ZSCAN29: variants seen among roughly 807,000 people sequenced by gnomAD.
ZSCAN29 encodes the protein zinc finger and SCAN domain-containing protein 29.
In ZSCAN29, 55 loss-of-function variants were observed where a neutral mutation model predicts 71.9. The observed-to-expected ratio is 0.76, with a 90% CI of 0.62 to 0.96. The LOEUF (loss-of-function observed/expected upper bound fraction) is 0.96, where lower values mean the gene tolerates loss of function less well. Ranked by LOEUF, ZSCAN29 falls within the 40% of genes least tolerant of loss-of-function variation. The probability of loss-of-function intolerance (pLI) is 0.00; values close to 1 mark genes in which losing one functional copy is unlikely to be tolerated. For missense variants in ZSCAN29, 1,042 were observed against 1,042.2 expected (o/e 1.00, Z 0.00); for synonymous variants, 351 against 371.6 (o/e 0.94, Z 0.64).
intron 2 of ZSCAN29, 109 bp from the exon 3 acceptor site, chr15:43,369,236 G>T: frequency 8.5e-7 from 1 of 1,182,308 alleles, no homozygotes; most frequent in Non-Finnish European, 1.1e-6. Flanking sequence ...CATGGCCAGG[G>T]TTGTAGGGGT....
Position 43,364,317 on chromosome 15 carries a change from C to A in ZSCAN29, c.1288G>T (p.Glu430Ter). ...TTGCGGTGACAGTTCCGGAGGGCTT[C>A]ATAAAACTGGGTCTCACTAAGAATT... Reference protein sequence around the residue: ...LAILSETQFYEALRNCHRNSQ... With the variant: ...LAILSETQFY Residue 430 changes from glutamate (E) to a stop codon, truncating the protein, a stop_gained, in exon 5 of 6, where the codon GAA (glutamate) becomes TAA (stop). Transcript: ENST00000684362. LOFTEE classifies it high-confidence loss of function. The A allele has an allele frequency of 6.2e-7, 1 of 1,614,158 alleles. No homozygotes were observed.
At position 43,358,225 on chromosome 15, in the gene ZSCAN29, T is replaced by C. The variant is rs2043951081; in HGVS notation, c.*2848A>G. The C allele has an allele frequency of 6.6e-6, 1 of 152,650 alleles. No homozygotes were observed. Among genetic ancestry groups the C allele is most frequent in the South Asian group, 2.1e-4 (1 of 4,832 alleles). The allele number at this position is 152,650 out of a possible 1,614,324, so 9.5% of individuals were successfully genotyped here. On this transcript the variant is annotated 3_prime_UTR_variant, in exon 6 of 6. Coordinates refer to ENST00000684362, the MANE Select transcript of ZSCAN29 (RefSeq NM_001372080.1). ...TGGTATCCCTGAGAGACAGATTAGG[T>C]GTAAACATTATTTTGCTTTACAGAA...
Position 43,360,907 on chromosome 15 carries a change from G to T in ZSCAN29, c.*166C>A. The stretch of plus-strand genomic sequence containing the variant: ...TCCTTTCATTCTTTAGACTGCCTTG[G>T]GGATTTGAGTCTAGATCAGGAAAAA... On this transcript the variant is annotated 3_prime_UTR_variant, in exon 6 of 6. Transcript: ENST00000684362. 1.1e-6 allele frequency: 1 copy of T among 910,444 alleles called. No individual in the cohort carries two copies. Among genetic ancestry groups the T allele is most frequent in the Non-Finnish European group, 1.7e-6 (1 of 603,806 alleles). The allele number at this position is 910,444 out of a possible 1,614,324, so 56.4% of individuals were successfully genotyped here.
At position 43,363,953 on chromosome 15, in the gene ZSCAN29, A is replaced by G; in HGVS notation, c.1652T>C (p.Val551Ala). Reference sequence around the variant, plus strand: ...GAATAACACTGGAGCACGGGTTATGACAGCCCCTGGGGGTATCTCAGTATC... The same window carrying G: ...GAATAACACTGGAGCACGGGTTATGGCAGCCCCTGGGGGTATCTCAGTATC... ...EEDTEIPPGA[V>A]ITRAPVLFQS... is the part of the protein sequence containing the mutation. The change falls in exon 5 of 6, where the codon GTC becomes GCC. Residue 551 changes from valine to alanine, a missense_variant. Physicochemically the swap from Val to Ala is moderately conservative, Grantham distance 64 (BLOSUM62 0). Coordinates refer to ENST00000684362, the MANE Select transcript of ZSCAN29 (RefSeq NM_001372080.1). 1.2e-6 allele frequency: 2 copies of G among 1,612,814 alleles called. No individual in the cohort carries two copies. The highest frequency in any genetic ancestry group is 1.7e-6 in the Non-Finnish European group (2 of 1,179,008).
chr15:43,366,034 A>G, intron 4 of ZSCAN29, 76 bp downstream of exon 4: 1 of 1,446,476 alleles, frequency 6.9e-7, no homozygotes, highest in South Asian at 1.4e-5. Flanking sequence ...ATGTGACATT[A>G]AGCCTTCTGA....
chr15:43,362,834 T>C (rs2043995503), intron 5 of ZSCAN29, among the ~76,000 whole-genome samples: 1 of 152,214 alleles, frequency 6.6e-6, no homozygotes. Flanking sequence ...GGAATTGATA[T>C]TCCAGGGAAC....
chr15:43,365,023 CAAG>C (rs899841071), intron 4 of ZSCAN29, among the ~76,000 whole-genome samples: 2 of 147,000 alleles, frequency 1.4e-5, no homozygotes, highest in East Asian at 2.0e-4. Context: ...ATGAAGAAAA[CAAG>C]AAAAATAAAG....
intron 3 of ZSCAN29, among the ~76,000 whole-genome samples, chr15:43,368,296 C>T (rs1286138145): frequency 9.4e-5 from 5 of 53,184 alleles, no homozygotes; most frequent in Admixed American, 1.6e-4. Context: ...GAGGCCGAGG[C>T]GGGCGGATCA....
rs893532976 is a variant in ZSCAN29, at chr15:43,370,744, T to G, written c.-299A>C. The G allele has an allele frequency of 6.5e-6, 1 of 152,766 alleles. No homozygotes were observed. The highest frequency in any genetic ancestry group is 1.5e-5 in the Non-Finnish European group (1 of 68,474). The allele number at this position is 152,766 out of a possible 1,614,324, so 9.5% of individuals were successfully genotyped here. A position where few individuals can be genotyped will look rare whatever the true frequency, so the allele number is the denominator to read the frequency against. On this transcript the variant is annotated 5_prime_UTR_variant, in exon 1 of 6. Transcript: ENST00000684362. ...TGCTGCCGGTTCGCGGACGCAGAGCTCTCAGCCCAAGGAGCAGCGGCTGCG... is the reference window on the plus strand; with the variant it reads ...TGCTGCCGGTTCGCGGACGCAGAGCGCTCAGCCCAAGGAGCAGCGGCTGCG...
chr15:43,361,161 C>A lies in ZSCAN29; in HGVS notation c.2471G>T (p.Gly824Val). 1 of 1,614,168 alleles carries A rather than the reference C, an allele frequency of 6.2e-7. No homozygotes were observed. The highest frequency in any genetic ancestry group is 8.5e-7 in the Non-Finnish European group (1 of 1,180,006). ...GEKPYGCHDCGKCFSKSSALN... is the reference protein window; with the variant it reads ...GEKPYGCHDCVKCFSKSSALN... ...GGCAGAGCTTTTACTGAAGCACTTA[C>A]CACAGTCATGACACCCATAGGGTTT... Residue 824 changes from glycine to valine, a missense_variant, in exon 6 of 6, where the codon GGT (glycine) becomes GTT (valine). By Grantham distance (109) the Gly-to-Val change is moderately radical. Transcript: ENST00000684362.
At chr15:43,364,537 G>A in intron 4 of ZSCAN29, 155 bp from the exon 5 acceptor site, 1 of 756,780 alleles carries the variant, frequency 1.3e-6, no homozygotes, top group Admixed American at 2.0e-5. Context: ...CACAAACTCA[G>A]TATAGAATGT....
chr15:43,366,344 G>A lies in ZSCAN29; in HGVS notation c.988C>T (p.Leu330=). The change falls in exon 4 of 6, where the codon CTG becomes TTG. Residue 330 remains leucine (L), a synonymous_variant. Transcript: ENST00000684362. ...TCPFFEEMEA[L]MSAQVIALPS... is the part of the protein sequence containing the mutation. ...AGGGCAATGACCTGAGCACTCATCAGGGCTTCCATCTCTTCAAAGAAGGGG... is the reference window on the plus strand; with the variant it reads ...AGGGCAATGACCTGAGCACTCATCAAGGCTTCCATCTCTTCAAAGAAGGGG... The A allele has an allele frequency of 6.2e-7, 1 of 1,613,674 alleles. No homozygotes were observed. The highest frequency in any genetic ancestry group is 8.5e-7 in the Non-Finnish European group (1 of 1,180,034).
intron 4 of ZSCAN29, 31 bp from the exon 5 acceptor site, chr15:43,364,413 T>C (rs1326607409): frequency 7.5e-6 from 12 of 1,593,636 alleles, no homozygotes; most frequent in Non-Finnish European, 9.4e-6. Flanking sequence ...TCAGCACCAC[T>C]TAATCCAGAG....
rs144329084 is a variant in ZSCAN29 at position 43,361,263 on chromosome 15, T to C, written c.2369A>G (p.His790Arg). The C allele has an allele frequency of 4.7e-4, 757 of 1,614,096 alleles. 1 individual carries two copies. Among genetic ancestry groups the C allele is most frequent in the Non-Finnish European group, 6.0e-4 (706 of 1,179,968 alleles). ...ACTCTTTCCACAGTCAGGACACACA[T>C]GGGGTCTCTCTCCTGTGTGTATCCT... ...HRRIHTGERP[H>R]VCPDCGKSFS... is the part of the protein sequence containing the mutation. The change falls in exon 6 of 6, where the codon CAT becomes CGT. Residue 790 changes from histidine to arginine, a missense_variant. Transcript: ENST00000684362.
rs776281990 is a variant in ZSCAN29, at chr15:43,361,673, A to G, written c.1959T>C (p.Tyr653=). Residue 653 remains tyrosine (Y), a synonymous_variant, in exon 6 of 6, where the codon TAT becomes TAC. Transcript: ENST00000684362. ...GACCAAAGCTTTTGCTGTATTTGAG[A>G]TATTTATAGGGTCTCTCTCCCAAGC... ...RPCLGERPYK[Y]LKYSKSFGPN... is the part of the protein sequence containing the mutation. 6.2e-7 allele frequency: 1 copy of G among 1,614,066 alleles called. No homozygotes were observed. The highest frequency in any genetic ancestry group is 1.7e-5 in the Admixed American group (1 of 60,008).
chr15:43,361,563 C>T lies in ZSCAN29; in HGVS notation c.2069G>A (p.Ser690Asn). Residue 690 changes from serine to asparagine, a missense_variant, in exon 6 of 6, where the codon AGT (serine) becomes AAT (asparagine). Transcript: ENST00000684362. The part of the protein sequence containing the change: ...CADCGKSFSR[S>N]ARLIRHRRIH... The stretch of plus-strand genomic sequence containing the variant: ...TCTCCGGTGTCTAATGAGTCGTGCA[C>T]TCCGACTGAAGCTTTTCCCACAATC... The T allele has an allele frequency of 2.5e-6, 4 of 1,614,040 alleles. No homozygotes were observed. Among genetic ancestry groups the T allele is most frequent in the South Asian group, 1.1e-5 (1 of 91,076 alleles).
At position 43,366,092 on chromosome 15, in the gene ZSCAN29, A is replaced by G. The variant is rs766243999; in HGVS notation, c.1222+18T>C. On this transcript the variant is annotated intron_variant, in intron 4 of 5. Coordinates refer to ENST00000684362, the MANE Select transcript of ZSCAN29 (RefSeq NM_001372080.1). The stretch of plus-strand genomic sequence containing the variant: ...CCCCAAGTCTAATTCCAAAACTCCA[A>G]GAAGAAAAGCTTCTTACCACCTGGG... The G allele has an allele frequency of 6.4e-7, 1 of 1,573,450 alleles. No individual in the cohort carries two copies. The highest frequency in any genetic ancestry group is 8.6e-7 in the Non-Finnish European group (1 of 1,160,280).
At position 43,366,873 on chromosome 15, in the gene ZSCAN29, TTCAGTC is replaced by T; in HGVS notation, c.524-71_524-66del. ...ACTGATTATCACAAAAATCTTGAAA[TTCAGTC>T]CTGCCTTTTTCATCCAAGAGGATTA... On this transcript the variant is annotated intron_variant, in intron 3 of 5. Transcript: ENST00000684362. 2.8e-6 allele frequency: 4 copies of T among 1,434,626 alleles called. No individual in the cohort carries two copies. The South Asian group carries it at 5.4e-5, about 19-fold the overall frequency. 88.9% of individuals were successfully genotyped at this position (1,434,626 alleles called of 1,614,324 possible).
At chr15:43,368,032 G>A (rs1282617903) in intron 3 of ZSCAN29, among the ~76,000 whole-genome samples, 2 of 152,170 alleles carry the variant, frequency 1.3e-5, no homozygotes, top group Non-Finnish European at 2.9e-5. Context: ...TCAGAGTCCT[G>A]GAAGTTACCA....
Sources: allele counts gnomAD v4.1 joint callset (sites outside exome capture counted in the v4.1 genomes callset), GRCh38; gene constraint gnomAD v4.1.1; transcripts MANE v1.5; gene names NCBI Gene and HGNC (gene_info 2026-07-23, HGNC 2026-07-21).